SACS: variants seen among roughly 807,000 people sequenced by gnomAD.
SACS encodes the protein sacsin.
Under a neutral mutation model 348.0 loss-of-function variants are expected in SACS, and 197 were observed. The ratio of observed to expected loss-of-function variants is 0.57; its 90% CI spans 0.50 to 0.64. The LOEUF is 0.64. SACS is among the 30% of genes least tolerant of loss of function. SACS has a pLI of 0.00. For missense variants in SACS, 4,999 were observed against 5,360.8 expected (o/e 0.93, Z 2.11); for synonymous variants, 1,985 against 1,910.6 (o/e 1.04, Z -1.02).
chr13:23,354,468 G>A, intron 8 of SACS, 51 bp downstream of exon 8: 1 of 1,499,138 alleles, frequency 6.7e-7, no homozygotes, highest in Non-Finnish European at 9.3e-7. Flanking sequence ...CAGTGAGCAG[G>A]AGCAGGGGAA....
chr13:23,360,503 A>G (rs1870662893), intron 6 of SACS, among the ~76,000 whole-genome samples: 2 of 152,070 alleles, frequency 1.3e-5, no homozygotes, highest in South Asian at 4.1e-4. Context: ...TGTGGAAGGA[A>G]ATTAAAATTT....
intron 4 of SACS, among the ~76,000 whole-genome samples, chr13:23,370,461 G>A (rs897198923): frequency 6.6e-6 from 1 of 151,856 alleles, no homozygotes; most frequent in African/African-American, 2.4e-5. Context: ...TTTATGGTAA[G>A]AGTAATTAAT....
At chr13:23,352,305 A>G (rs1036785548) in intron 9 of SACS, among the ~76,000 whole-genome samples, 1 of 152,262 alleles carries the variant, frequency 6.6e-6, no homozygotes, top group East Asian at 1.9e-4. Flanking sequence ...ATCTGGATGA[A>G]TCTCACCAGC....
intron 7 of SACS, among the ~76,000 whole-genome samples, chr13:23,357,388 T>C (rs1870461908): frequency 6.6e-6 from 1 of 152,196 alleles, no homozygotes; most frequent in Non-Finnish European, 1.5e-5. Context: ...TATTATTTAA[T>C]AGAATATATA....
In SACS at chr13:23,333,118, T is replaced by A; in HGVS notation, c.10758A>T (p.Leu3586Phe). 6.2e-7 allele frequency: 1 copy of A among 1,613,656 alleles called. No individual in the cohort carries two copies. The highest frequency in any genetic ancestry group is 8.5e-7 in the Non-Finnish European group (1 of 1,179,726). Residue 3586 changes from leucine to phenylalanine, a missense_variant, in exon 10 of 10, where the codon TTA (leucine) becomes TTT (phenylalanine). Physicochemically the swap from Leu to Phe is conservative, Grantham distance 22. Around this residue, in one of 6 missense-constraint regions of SACS, gnomAD observed 831 missense variants for 941.8 expected, o/e 0.88. Transcript: ENST00000382292. ...GTATGTATTTTAGTCCAATATTTCT[T>A]AAGAATTCCACCCAGGATGTCATAA... Reference protein sequence around the residue: ...VTFMTSWVEFLRNIGLKYILS... With the variant: ...VTFMTSWVEFFRNIGLKYILS...
At position 23,338,942 on chromosome 13, in the gene SACS, C is replaced by A. The variant is rs1337377726; in HGVS notation, c.4934G>T (p.Arg1645Leu). Residue 1645 changes from arginine to leucine, a missense_variant, in exon 10 of 10, where the codon CGA (arginine) becomes CTA (leucine). Physicochemically the swap from Arg to Leu is moderately radical, Grantham distance 102 (BLOSUM62 -2). Coordinates refer to ENST00000382292, the MANE Select transcript of SACS (RefSeq NM_014363.6). ...APYSYNGTLF[R>L]LSFRTQQEAK... is the part of the protein sequence containing the mutation. ...TTCCTGTTGAGTTCTAAAGGACAGT[C>A]GGAAAAGGGTTCCATTATAGCTGTA... is the stretch of plus-strand genomic sequence containing the variant. The A allele has an allele frequency of 6.2e-7, 1 of 1,613,534 alleles. No homozygotes were observed. Among genetic ancestry groups the A allele is most frequent in the Non-Finnish European group, 8.5e-7 (1 of 1,179,884 alleles).
intron 7 of SACS, among the ~76,000 whole-genome samples, chr13:23,356,549 C>T (rs1015627578): frequency 6.6e-6 from 1 of 152,234 alleles, no homozygotes; most frequent in Non-Finnish European, 1.5e-5. Flanking sequence ...CATCTCACCA[C>T]GTGGAGCCTA....
At chr13:23,419,031 C>A (rs569628639) in intron 1 of SACS, 5 of 152,436 alleles carry the variant, frequency 3.3e-5, no homozygotes, top group Non-Finnish European at 4.4e-5. Flanking sequence ...GCATGAAGAT[C>A]TGGGGCAGGT....
chr13:23,422,196 C>T lies in SACS; in HGVS notation c.-501-10456G>A, dbSNP rs1593183936. Among the ~76,000 whole-genome samples, 6 of 152,216 alleles carry T rather than the reference C, an allele frequency of 3.9e-5. No individual in the cohort carries two copies. In the Middle Eastern group the frequency reaches 0.017, roughly 431 times the overall value. ...CTTTTCATTAAACAAGTTCCTAACACATTTTATAGAATCTAACAAATGAGA... is the reference window on the plus strand; with the variant it reads ...CTTTTCATTAAACAAGTTCCTAACATATTTTATAGAATCTAACAAATGAGA... On this transcript the variant is annotated intron_variant, in intron 1 of 9. Coordinates refer to ENST00000382292, the MANE Select transcript of SACS (RefSeq NM_014363.6).
rs2137572151 is a variant in SACS, at chr13:23,333,094, T to C, written c.10782A>G (p.Ile3594Met). Reference sequence around the variant, plus strand: ...ACTGTAACAACTGCTGCTGAGAAAGTATGTATTTTAGTCCAATATTTCTTA... The same window carrying C: ...ACTGTAACAACTGCTGCTGAGAAAGCATGTATTTTAGTCCAATATTTCTTA... ...EFLRNIGLKY[I>M]LSQQQLLQFA... Residue 3594 changes from isoleucine (I) to methionine (M), a missense_variant, in exon 10 of 10, where the codon ATA (isoleucine) becomes ATG (methionine). Around this residue, in one of 6 missense-constraint regions of SACS, gnomAD observed 831 missense variants for 941.8 expected, o/e 0.88. Coordinates refer to ENST00000382292, the MANE Select transcript of SACS (RefSeq NM_014363.6). 6.2e-7 allele frequency: 1 copy of C among 1,613,810 alleles called. No homozygotes were observed. Among genetic ancestry groups the C allele is most frequent in the Non-Finnish European group, 8.5e-7 (1 of 1,179,772 alleles).
chr13:23,336,134 GC>G lies in SACS; in HGVS notation c.7741del (p.Ala2581ProfsTer44). ...ACAAAGTGCTGGCCCTTGCAATGGG[GC>G]CCACTTATCATCAAATATTCTATCA... is the stretch of plus-strand genomic sequence containing the variant. ...PVDRIFDDKW[A>X]PLQGPALCVY... On this transcript the variant is annotated frameshift_variant, in exon 10 of 10. Coordinates refer to ENST00000382292, the MANE Select transcript of SACS (RefSeq NM_014363.6). LOFTEE classifies it high-confidence loss of function. The G allele has an allele frequency of 1.9e-6, 3 of 1,613,190 alleles. No individual in the cohort carries two copies. The highest frequency in any genetic ancestry group is 2.5e-6 in the Non-Finnish European group (3 of 1,179,342).
At chr13:23,359,294 T>C (rs1462097048) in intron 6 of SACS, among the ~76,000 whole-genome samples, 2 of 152,218 alleles carry the variant, frequency 1.3e-5, no homozygotes, top group African/African-American at 2.4e-5. Context: ...CACACACACA[T>C]ATATCTTTTA....
intron 3 of SACS, among the ~76,000 whole-genome samples, chr13:23,371,553 T>C (rs557019613): frequency 2.8e-4 from 42 of 152,270 alleles, no homozygotes; most frequent in African/African-American, 1.0e-3. Flanking sequence ...AAAAAAATTG[T>C]TTTTAAATTA....
chr13:23,411,195 T>A, intron 2 of SACS, 25 bp downstream of exon 2: 1 of 1,584,802 alleles, frequency 6.3e-7, no homozygotes, highest in Non-Finnish European at 8.7e-7. Flanking sequence ...CAAATTATTG[T>A]CATTTAAAAC....
intron 2 of SACS, among the ~76,000 whole-genome samples, chr13:23,386,452 C>G (rs556855817): frequency 6.6e-6 from 1 of 152,228 alleles, no homozygotes; most frequent in African/African-American, 2.4e-5. Flanking sequence ...CCTCACCTTT[C>G]TCAGCTTTCA....
chr13:23,355,975 C>T lies in SACS; in HGVS notation c.637G>A (p.Gly213Arg). Residue 213 changes from glycine to arginine, a missense_variant, in exon 8 of 10, where the codon GGG becomes AGG. Transcript: ENST00000382292. ...VPCIFSGDQIGMLDPHQTLFG... is the reference protein window; with the variant it reads ...VPCIFSGDQIRMLDPHQTLFG... ...AGTGTTTGATGAGGATCTAGCATCCCGATTTGGTCACCACTAAAGATACAA... is the reference window on the plus strand; with the variant it reads ...AGTGTTTGATGAGGATCTAGCATCCTGATTTGGTCACCACTAAAGATACAA... The T allele has an allele frequency of 6.2e-7, 1 of 1,613,670 alleles. No homozygotes were observed. Among genetic ancestry groups the T allele is most frequent in the Middle Eastern group, 1.6e-4 (1 of 6,062 alleles).
chr13:23,332,319 A>G lies in SACS; in HGVS notation c.11557T>C (p.Tyr3853His). 6.2e-7 allele frequency: 1 copy of G among 1,613,992 alleles called. No individual in the cohort carries two copies. The highest frequency in any genetic ancestry group is 8.5e-7 in the Non-Finnish European group (1 of 1,179,912). ...AATATGCGGCTCAACACTTCAACAT[A>G]TTGCTTAGTTGAAATAATATCTTCA... The part of the protein sequence containing the change: ...GTEDIISTKQ[Y>H]VEVLSRIFKN... Residue 3853 changes from tyrosine (Y) to histidine (H), a missense_variant, in exon 10 of 10, where the codon TAT (tyrosine) becomes CAT (histidine). Physicochemically the swap from Tyr to His is moderately conservative, Grantham distance 83. Transcript: ENST00000382292.
Position 23,332,159 on chromosome 13 carries a change from G to A in SACS, c.11717C>T (p.Ala3906Val), listed in dbSNP as rs375961779. ...ACCATCCTGGCTTGGGAGGTAAAGC[G>A]CAAGGTCTCGTACATTCTCGAGATC... ...RSDLENVRDL[A>V]LYLPSQDGRL... is the part of the protein sequence containing the mutation. Residue 3906 changes from alanine to valine, a missense_variant, in exon 10 of 10, where the codon GCG becomes GTG. Around this residue, in one of 6 missense-constraint regions of SACS, gnomAD observed 831 missense variants for 941.8 expected, o/e 0.88. Transcript: ENST00000382292. 46 of 1,613,874 alleles carry A rather than the reference G, an allele frequency of 2.9e-5. No individual in the cohort carries two copies. Among genetic ancestry groups the A allele is most frequent in the African/African-American group, 1.7e-4 (13 of 74,888 alleles).
Position 23,368,421 on chromosome 13 carries a change from T to C in SACS, c.326A>G (p.Glu109Gly), listed in dbSNP as rs1317414910. ...CCCCACCTTAAGAATCTGTCCTCCT[T>C]CTGGATATCTTCTCAAAATGTCCTT... The part of the protein sequence containing the change: ...FLKDILRRYP[E>G]GGQILKELIQ... Residue 109 changes from glutamate (E) to glycine (G), a missense_variant, in exon 5 of 10, where the codon GAA (glutamate) becomes GGA (glycine). Physicochemically the swap from Glu to Gly is moderately conservative, Grantham distance 98. Transcript: ENST00000382292. 4.3e-6 allele frequency: 7 copies of C among 1,612,260 alleles called. No individual in the cohort carries two copies. Among genetic ancestry groups the C allele is most frequent in the Non-Finnish European group, 5.9e-6 (7 of 1,179,002 alleles).
Sources: allele counts gnomAD v4.1 joint callset (sites outside exome capture counted in the v4.1 genomes callset), GRCh38; gene constraint gnomAD v4.1.1; regional missense constraint gnomAD v4.1.1; transcripts MANE v1.5; gene names NCBI Gene and HGNC (gene_info 2026-07-23, HGNC 2026-07-21).